TBC1D9: variants seen among roughly 807,000 people sequenced by gnomAD.
TBC1D9 encodes TBC1 domain family member 9A.
TBC1D9 carries 63 observed loss-of-function variants against 132.0 expected under a neutral mutation model. That is an observed-to-expected ratio of 0.48 (90% CI 0.39 to 0.59). The LOEUF (loss-of-function observed/expected upper bound fraction) is 0.59. Among genes scored for constraint, TBC1D9 ranks in the 20% least tolerant of loss-of-function variants. The pLI, the probability that TBC1D9 is intolerant of heterozygous loss-of-function variation, is 0.00. For synonymous variants in TBC1D9, 610 were observed against 609.9 expected, an observed-to-expected ratio of 1.00 and a Z score of 0.00; for missense variants, 1,261 against 1,592.7, an observed-to-expected ratio of 0.79 and a Z score of 3.54.
At chr4:140,689,377 C>T (rs1452097098) in intron 2 of TBC1D9, among the ~76,000 whole-genome samples, 1 of 151,638 alleles carries the variant, frequency 6.6e-6, no homozygotes, top group Admixed American at 6.6e-5. Flanking sequence ...GCTTTCAAAG[C>T]TTCCCTTCCT....
At chr4:140,710,704 C>G (rs2111047745) in intron 1 of TBC1D9, among the ~76,000 whole-genome samples, 2 of 152,174 alleles carry the variant, frequency 1.3e-5, no homozygotes, top group South Asian at 4.2e-4. Context: ...AAAGTGAGAA[C>G]AGTTGGAATG....
intron 6 of TBC1D9, among the ~76,000 whole-genome samples, chr4:140,674,676 A>AAT (rs137879044): frequency 0.11 from 15,484 of 141,928 alleles, 902 homozygotes; most frequent in Non-Finnish European, 0.13. Context: ...ATTGTAGAAG[A>AAT]ATATATATAT....
In TBC1D9 at chr4:140,622,448, A is replaced by G. The variant is rs2110959594; in HGVS notation, c.3548T>C (p.Ile1183Thr). ...HEEDKLHCEDIGEDTVLVRSG... is the reference protein window; with the variant it reads ...HEEDKLHCEDTGEDTVLVRSG... ...CCGCACCAGGACCGTGTCCTCTCCG[A>G]TGTCCTCGCAGTGCAGCTTGTCCTC... The change falls in exon 21 of 21, where the codon ATC (isoleucine) becomes ACC (threonine). Residue 1183 changes from isoleucine to threonine, a missense_variant. Ile to Thr is a moderately conservative substitution (Grantham distance 89). This residue lies in a region of TBC1D9 where 618 missense variants were observed against 724.4 expected (regional missense o/e 0.85). Coordinates refer to ENST00000442267, the MANE Select transcript of TBC1D9 (RefSeq NM_015130.3). 6.2e-7 allele frequency: 1 copy of G among 1,613,938 alleles called. No individual in the cohort carries two copies. The highest frequency in any genetic ancestry group is 2.2e-5 in the East Asian group (1 of 44,878).
chr4:140,661,124 C>T (rs529532485), intron 10 of TBC1D9, among the ~76,000 whole-genome samples: 1 of 152,246 alleles, frequency 6.6e-6, no homozygotes, highest in East Asian at 1.9e-4. Context: ...CCGTGTTAGC[C>T]AGGATGGTCT....
chr4:140,653,653 G>A (rs1029079749), intron 13 of TBC1D9, among the ~76,000 whole-genome samples: 1 of 152,180 alleles, frequency 6.6e-6, no homozygotes, highest in Non-Finnish European at 1.5e-5. Context: ...ATCAGCAAGA[G>A]TTCGTGGTGT....
chr4:140,749,865 A>G (rs1362418280), intron 1 of TBC1D9, among the ~76,000 whole-genome samples: 2 of 152,118 alleles, frequency 1.3e-5, no homozygotes, highest in African/African-American at 4.8e-5. Flanking sequence ...ACATGTGAAC[A>G]TTTCATAATG....
chr4:140,712,539 G>A (rs933219395), intron 1 of TBC1D9, among the ~76,000 whole-genome samples: 7 of 148,412 alleles, frequency 4.7e-5, no homozygotes, highest in Admixed American at 2.7e-4. Context: ...TCAAGAGTTC[G>A]AGACCAGCCT....
chr4:140,657,391 T>C, intron 12 of TBC1D9, 136 bp downstream of exon 12: 4 of 1,344,634 alleles, frequency 3.0e-6, no homozygotes, highest in Non-Finnish European at 3.1e-6. Context: ...AGAAAAAGCA[T>C]ATGAAAATAA....
chr4:140,707,744 C>T (rs1738170209), intron 1 of TBC1D9, among the ~76,000 whole-genome samples: 2 of 152,100 alleles, frequency 1.3e-5, no homozygotes, highest in African/African-American at 2.4e-5. Context: ...TTTTTAAAGC[C>T]TCCAAGGCTT....
chr4:140,645,053 G>T (rs1737082515), intron 13 of TBC1D9: 1 of 489,610 alleles, frequency 2.0e-6, no homozygotes, highest in Non-Finnish European at 4.1e-6. Context: ...CCACAGACCA[G>T]CAACCGGAGC....
At chr4:140,642,191 C>T (rs1737011568) in intron 13 of TBC1D9, 9 of 759,696 alleles carry the variant, frequency 1.2e-5, no homozygotes, top group South Asian at 7.2e-5. Flanking sequence ...TGGAGCTAGC[C>T]GGAGGGGCCT....
chr4:140,627,867 C>CTATT (rs1214393537), intron 17 of TBC1D9, among the ~76,000 whole-genome samples: 2 of 152,210 alleles, frequency 1.3e-5, no homozygotes, highest in African/African-American at 4.8e-5. Context: ...TATCCTACCT[C>CTATT]TATTGTTCGT....
intron 7 of TBC1D9, 158 bp downstream of exon 7, chr4:140,670,562 A>G (rs903216936): frequency 3.1e-5 from 19 of 618,298 alleles, no homozygotes; most frequent in Non-Finnish European, 4.3e-5. Flanking sequence ...TATGACCCCA[A>G]ATACAAAGTC....
intron 13 of TBC1D9, among the ~76,000 whole-genome samples, chr4:140,653,016 A>G (rs1484696664): frequency 1.3e-5 from 2 of 152,144 alleles, no homozygotes; most frequent in Non-Finnish European, 2.9e-5. Flanking sequence ...CTATGAATCA[A>G]ACTTTAAGAT....
chr4:140,669,914 G>T, intron 7 of TBC1D9, 110 bp from the exon 8 acceptor site: 1 of 1,126,818 alleles, frequency 8.9e-7, no homozygotes, highest in Non-Finnish European at 1.2e-6. Context: ...TTCCCATGGT[G>T]TTTCTTGCTA....
At chr4:140,643,264 C>G (rs577583223) in intron 13 of TBC1D9, 4 of 1,304,418 alleles carry the variant, frequency 3.1e-6, no homozygotes, top group Non-Finnish European at 4.3e-6. Flanking sequence ...TCTGCGATCT[C>G]GCTCAGCAGG....
intron 13 of TBC1D9, among the ~76,000 whole-genome samples, chr4:140,652,834 T>C (rs1390037231): frequency 6.6e-6 from 1 of 152,230 alleles, no homozygotes; most frequent in Non-Finnish European, 1.5e-5. Flanking sequence ...CTATCCATCT[T>C]CACAGATTGT....
At chr4:140,747,411 T>C (rs1032567338) in intron 1 of TBC1D9, among the ~76,000 whole-genome samples, 2 of 151,996 alleles carry the variant, frequency 1.3e-5, no homozygotes, top group Non-Finnish European at 2.9e-5. Context: ...GTGTGGGACC[T>C]AGGGTAAATC....
Position 140,701,522 on chromosome 4 carries a change from A to G in TBC1D9, c.223T>C (p.Tyr75His). The part of the protein sequence containing the change: ...ILYQTPDSLV[Y>H]WTIACGGSRK... ...TGCTTACCACAGGCGATGGTCCAGT[A>G]GACCAGGGAGTCTGGAGTCTGGTAC... is the stretch of plus-strand genomic sequence containing the variant. The change falls in exon 2 of 21, where the codon TAC becomes CAC. Residue 75 changes from tyrosine (Y) to histidine (H), a missense_variant. Tyr to His is a moderately conservative substitution (Grantham distance 83). Coordinates refer to ENST00000442267, the MANE Select transcript of TBC1D9 (RefSeq NM_015130.3). The G allele has an allele frequency of 6.2e-7, 1 of 1,613,764 alleles. No homozygotes were observed. Among genetic ancestry groups the G allele is most frequent in the Non-Finnish European group, 8.5e-7 (1 of 1,179,684 alleles).
Sources: allele counts gnomAD v4.1 joint callset (sites outside exome capture counted in the v4.1 genomes callset), GRCh38; gene constraint gnomAD v4.1.1; regional missense constraint gnomAD v4.1.1; transcripts MANE v1.5; gene names NCBI Gene and HGNC (gene_info 2026-07-23, HGNC 2026-07-21).